The following NHSL1 variants were observed in gnomAD, a reference collection of about 807,000 sequenced individuals.
The protein encoded by NHSL1 is NHS like 1, also known as NHS-like protein 1.
NHSL1 carries 48 observed loss-of-function variants against 95.0 expected under a neutral mutation model. The ratio of observed to expected loss-of-function variants is 0.51; its 90% CI spans 0.40 to 0.64. NHSL1 has a LOEUF of 0.64. Among genes scored for constraint, NHSL1 ranks in the 30% least tolerant of loss-of-function variants. The pLI, the probability that NHSL1 is intolerant of heterozygous loss-of-function variation, is 0.00. For synonymous variants in NHSL1, 783 were observed against 833.9 expected (o/e 0.94, Z 1.05); for missense variants, 1,971 against 2,077.7 (o/e 0.95, Z 1.00).
At chr6:138,518,552 T>C (rs1329837629) in intron 1 of NHSL1, among the ~76,000 whole-genome samples, 1 of 150,966 alleles carries the variant, frequency 6.6e-6, no homozygotes, top group Non-Finnish European at 1.5e-5. Context: ...AATTAACAAG[T>C]TAAATTAACT....
intron 1 of NHSL1, among the ~76,000 whole-genome samples, chr6:138,579,798 T>C (rs9495144): frequency 0.14 from 21,168 of 152,234 alleles, 2,951 homozygotes; most frequent in African/African-American, 0.36. Context: ...CAATCGACCT[T>C]ACGTGACCTT....
intron 1 of NHSL1, among the ~76,000 whole-genome samples, chr6:138,539,650 G>A (rs1782501296): frequency 6.6e-6 from 1 of 152,200 alleles, no homozygotes; most frequent in South Asian, 2.1e-4. Context: ...AATGGAACAG[G>A]AGATATTAAA....
At chr6:138,666,670 G>GA (rs1785299789) in intron 1 of NHSL1, among the ~76,000 whole-genome samples, 1 of 147,956 alleles carries the variant, frequency 6.8e-6, no homozygotes, top group Non-Finnish European at 1.5e-5. Context: ...ATTGTTAAAA[G>GA]AAAAAACACT....
At chr6:138,464,715 C>CTTTCTT (rs1778238854) in intron 3 of NHSL1, among the ~76,000 whole-genome samples, 1 of 119,022 alleles carries the variant, frequency 8.4e-6, no homozygotes, top group African/African-American at 3.5e-5. Flanking sequence ...TTTTTCTTTT[C>CTTTCTT]TTTTTTTTTT....
chr6:138,499,444 A>T lies in NHSL1; in HGVS notation c.-154T>A. ...ACATCTGCCCAGGCTGATGTAACTGAGGTTGAGTTTATTGTCAGGCAGTTA... is the reference window on the plus strand; with the variant it reads ...ACATCTGCCCAGGCTGATGTAACTGTGGTTGAGTTTATTGTCAGGCAGTTA... On this transcript the variant is annotated 5_prime_UTR_variant, in exon 1 of 8. Transcript: ENST00000343505. 2 of 1,411,660 alleles carry T rather than the reference A, an allele frequency of 1.4e-6. No homozygotes were observed. Among genetic ancestry groups the T allele is most frequent in the Non-Finnish European group, 1.9e-6 (2 of 1,075,406 alleles). The allele number at this position is 1,411,660 out of a possible 1,614,324, so 87.4% of individuals were successfully genotyped here.
At chr6:138,632,207 T>G (rs1363048703) in intron 1 of NHSL1, among the ~76,000 whole-genome samples, 2 of 152,156 alleles carry the variant, frequency 1.3e-5, no homozygotes, top group East Asian at 3.8e-4. Context: ...CCACAGTATA[T>G]TAGAACACCA....
intron 3 of NHSL1, among the ~76,000 whole-genome samples, chr6:138,448,098 T>A (rs1776980737): frequency 1.3e-5 from 2 of 152,256 alleles, no homozygotes; most frequent in African/African-American, 4.8e-5. Context: ...TAGCAGTGTC[T>A]GTTTTGATAC....
rs1482778785 is a variant in NHSL1 at position 138,616,986 on chromosome 6, T to C, written c.96+75490A>G. On this transcript the variant is annotated intron_variant, in intron 1 of 3. Transcript: ENST00000491526. ...ACCGGCATGGCTCTCCTAGGTGCAA[T>C]AGGAAATGCAGAAGTAGCCTAAAAT... Among the ~76,000 whole-genome samples the C allele has an allele frequency of 3.3e-5, 5 of 152,232 alleles. No homozygotes were observed. The East Asian group carries it at 9.7e-4, about 29-fold the overall frequency.
At chr6:138,651,342 T>A (rs1369416442) in intron 1 of NHSL1, among the ~76,000 whole-genome samples, 1 of 152,230 alleles carries the variant, frequency 6.6e-6, no homozygotes, top group Non-Finnish European at 1.5e-5. Context: ...GTATGACAGT[T>A]TTCCTTTGTA....
intron 2 of NHSL1, among the ~76,000 whole-genome samples, chr6:138,489,476 C>T (rs1779902189): frequency 6.6e-6 from 1 of 152,166 alleles, no homozygotes; most frequent in Middle Eastern, 3.4e-3. Flanking sequence ...TGTTAGAAAA[C>T]AGGAAGATGG....
intron 1 of NHSL1, among the ~76,000 whole-genome samples, chr6:138,559,616 C>T (rs1157706146): frequency 6.6e-6 from 1 of 152,176 alleles, no homozygotes; most frequent in Non-Finnish European, 1.5e-5. Context: ...CAACAGTGGA[C>T]TATCTACAGA....
At chr6:138,503,164 T>C (rs558634125), upstream of NHSL1, among the ~76,000 whole-genome samples, 4 of 152,314 alleles carry the variant, frequency 2.6e-5, no homozygotes, top group South Asian at 8.3e-4. Context: ...TTCTTTCTCC[T>C]CACCTTCCTA....
At chr6:138,476,993 C>T (rs371054491) in intron 2 of NHSL1, among the ~76,000 whole-genome samples, 2 of 137,734 alleles carry the variant, frequency 1.5e-5, no homozygotes, top group Admixed American at 7.1e-5. Context: ...GACTCAAGTT[C>T]AATAGTTTTA....
intron 1 of NHSL1, among the ~76,000 whole-genome samples, chr6:138,588,714 T>G (rs1304152971): frequency 3.3e-5 from 5 of 152,206 alleles, no homozygotes; most frequent in African/African-American, 1.2e-4. Context: ...TTATTAAATT[T>G]TAACAGTTTG....
At chr6:138,516,058 C>T (rs942362901) in intron 1 of NHSL1, among the ~76,000 whole-genome samples, 2 of 152,242 alleles carry the variant, frequency 1.3e-5, no homozygotes, top group Non-Finnish European at 2.9e-5. Context: ...CTAGCATTTG[C>T]AAAGCAGATG....
chr6:138,475,131 A>G (rs989635604), intron 2 of NHSL1, among the ~76,000 whole-genome samples: 1 of 151,364 alleles, frequency 6.6e-6, no homozygotes, highest in African/African-American at 2.4e-5. Context: ...CCTGGGCAAC[A>G]AGAGTGAAAC....
At chr6:138,639,398 G>A (rs1784930134) in intron 1 of NHSL1, among the ~76,000 whole-genome samples, 1 of 151,942 alleles carries the variant, frequency 6.6e-6, no homozygotes, top group Non-Finnish European at 1.5e-5. Flanking sequence ...CAGCACTTTG[G>A]GCGGCCGAGG....
chr6:138,574,174 G>A (rs770944640), upstream of NHSL1, among the ~76,000 whole-genome samples: 10 of 152,178 alleles, frequency 6.6e-5, no homozygotes, highest in East Asian at 5.8e-4. Flanking sequence ...TTTGTGATCC[G>A]CCTGCCTTGG....
At chr6:138,602,019 AC>A (rs1453280840) in intron 1 of NHSL1, among the ~76,000 whole-genome samples, 4 of 152,228 alleles carry the variant, frequency 2.6e-5, no homozygotes, top group African/African-American at 9.6e-5. Context: ...ATAGCAGCAT[AC>A]AGAAAAATGG....
Sources: allele counts gnomAD v4.1 joint callset (sites outside exome capture counted in the v4.1 genomes callset), GRCh38; gene constraint gnomAD v4.1.1; transcripts MANE v1.5; gene names NCBI Gene and HGNC (gene_info 2026-07-23, HGNC 2026-07-21).